ESRP1: variants seen among roughly 807,000 people sequenced by gnomAD.
The protein encoded by ESRP1 is epithelial splicing regulatory protein 1.
Under a neutral mutation model 81.7 loss-of-function variants are expected in ESRP1, and 33 were observed. The observed-to-expected ratio is 0.40, with a 90% CI of 0.31 to 0.54. The LOEUF (loss-of-function observed/expected upper bound fraction) is 0.54. Among genes scored for constraint, ESRP1 ranks in the 20% least tolerant of loss-of-function variants. ESRP1 has a pLI of 0.41. For missense variants in ESRP1, 672 were observed against 833.1 expected (o/e 0.81, Z 2.38); for synonymous variants, 320 against 303.3 (o/e 1.06, Z -0.57).
chr8:94,669,910 G>A (rs995389479), intron 10 of ESRP1, among the ~76,000 whole-genome samples: 9 of 148,486 alleles, frequency 6.1e-5, no homozygotes, highest in Admixed American at 5.3e-4. Context: ...ATACCTTTTT[G>A]AAAATGTCAT....
At chr8:94,679,714 T>A (rs898263207) in intron 13 of ESRP1, among the ~76,000 whole-genome samples, 6 of 152,134 alleles carry the variant, frequency 3.9e-5, no homozygotes, top group African/African-American at 1.4e-4. Flanking sequence ...TAAGTCTGAG[T>A]ATAGGAGTGT....
chr8:94,665,065 T>C lies in ESRP1; in HGVS notation c.888+6T>C. The C allele has an allele frequency of 1.2e-6, 2 of 1,613,610 alleles. No individual in the cohort carries two copies. The highest frequency in any genetic ancestry group is 8.5e-7 in the Non-Finnish European group (1 of 1,179,798). The stretch of plus-strand genomic sequence containing the variant: ...TGGGGACCCGGTATATTGAGGTATG[T>C]CCTCAAAACCTGAACCCCTGGACAT... On this transcript the variant is annotated splice_donor_region_variant and intron_variant, in intron 8 of 15. Coordinates refer to ENST00000433389, the MANE Select transcript of ESRP1 (RefSeq NM_017697.4).
At chr8:94,698,101 T>C (rs1303938606) in intron 15 of ESRP1, among the ~76,000 whole-genome samples, 2 of 152,180 alleles carry the variant, frequency 1.3e-5, no homozygotes, top group Non-Finnish European at 2.9e-5. Flanking sequence ...TTTAAAAAGA[T>C]TGTTGTAAAA....
intron 4 of ESRP1, among the ~76,000 whole-genome samples, chr8:94,646,847 T>C (rs1278437145): frequency 6.6e-6 from 1 of 152,224 alleles, no homozygotes. Context: ...ATTTGATGCA[T>C]GATATATTGT....
chr8:94,660,709 C>CAAAAAAAAAAAAAA (rs60316449), intron 4 of ESRP1, among the ~76,000 whole-genome samples: 4 of 43,544 alleles, frequency 9.2e-5, no homozygotes, highest in African/African-American at 2.1e-4. Flanking sequence ...GAGACTATCT[C>CAAAAAAAAAAAAAA]AAAAAAAAAA....
intron 4 of ESRP1, among the ~76,000 whole-genome samples, 159 bp from the exon 5 acceptor site, chr8:94,662,113 A>C (rs1197732239): frequency 6.6e-6 from 1 of 152,220 alleles, no homozygotes; most frequent in Non-Finnish European, 1.5e-5. Context: ...TTGGAGCCTA[A>C]GTTGAATGAC....
At chr8:94,672,976 G>A (rs1819407063) in intron 11 of ESRP1, among the ~76,000 whole-genome samples, 1 of 152,052 alleles carries the variant, frequency 6.6e-6, no homozygotes, top group South Asian at 2.1e-4. Flanking sequence ...TGGAGATTTG[G>A]TCACTTTCAT....
intron 13 of ESRP1, 112 bp from the exon 14 acceptor site, chr8:94,692,565 T>C: frequency 8.8e-7 from 1 of 1,140,090 alleles, no homozygotes; most frequent in Non-Finnish European, 1.2e-6. Flanking sequence ...CTCTGAGAAG[T>C]ATAAGAAAGG....
At chr8:94,671,419 G>A in intron 10 of ESRP1, 34 bp from the exon 11 acceptor site, 2 of 1,584,304 alleles carry the variant, frequency 1.3e-6, no homozygotes, top group Non-Finnish European at 1.7e-6. Context: ...GAGTAGCACA[G>A]CTCTAAATTA....
In ESRP1 at chr8:94,672,567, C is replaced by G. The variant is rs551057296; in HGVS notation, c.1452+896C>G. 1.1e-4 allele frequency among the ~76,000 whole-genome samples: 17 copies of G among 151,572 alleles called. No individual in the cohort carries two copies. In the South Asian group the frequency reaches 1.5e-3, roughly 13 times the overall value. ...TTTTTTTTTGAGACAGAGTCTCACT[C>G]TGTCGTCCAGGCTGGATTGCAGTGG... On this transcript the variant is annotated intron_variant, in intron 11 of 15. Coordinates refer to ENST00000433389, the MANE Select transcript of ESRP1 (RefSeq NM_017697.4).
chr8:94,663,389 A>T (rs1253161557), intron 6 of ESRP1, among the ~76,000 whole-genome samples: 1 of 151,926 alleles, frequency 6.6e-6, no homozygotes, highest in East Asian at 1.9e-4. Context: ...GGGATTACAG[A>T]TGTGTACCAT....
intron 4 of ESRP1, among the ~76,000 whole-genome samples, chr8:94,657,651 AG>A (rs1429332522): frequency 6.6e-6 from 1 of 152,196 alleles, no homozygotes; most frequent in Non-Finnish European, 1.5e-5. Context: ...GCACCAAGGT[AG>A]TAGCCAAATG....
At chr8:94,663,860 C>T (rs1818881668) in intron 6 of ESRP1, among the ~76,000 whole-genome samples, 1 of 151,908 alleles carries the variant, frequency 6.6e-6, no homozygotes, top group Non-Finnish European at 1.5e-5. Context: ...GGTGTAGGGA[C>T]TCACAGGCAT....
At chr8:94,670,616 C>T (rs1819267816) in intron 10 of ESRP1, among the ~76,000 whole-genome samples, 1 of 152,172 alleles carries the variant, frequency 6.6e-6, no homozygotes, top group African/African-American at 2.4e-5. Flanking sequence ...TGGCATTTGC[C>T]TAAGGACTTC....
chr8:94,642,842 T>C (rs950005555), intron 2 of ESRP1, among the ~76,000 whole-genome samples: 4 of 152,202 alleles, frequency 2.6e-5, no homozygotes, highest in African/African-American at 7.2e-5. Context: ...CTTCGAGTTA[T>C]AGGAGAAAGC....
In ESRP1 at chr8:94,646,163, C is replaced by T. The variant is rs1426964482; in HGVS notation, c.376-5C>T. ...GTTAACATTATCTACCTTGTCCTTC[C>T]TCAGAATGTACTATTACCTGAATGC... On this transcript the variant is annotated splice_region_variant and splice_polypyrimidine_tract_variant and intron_variant, in intron 3 of 15. Transcript: ENST00000433389. The T allele has an allele frequency of 6.4e-7, 1 of 1,556,026 alleles. No individual in the cohort carries two copies. The highest frequency in any genetic ancestry group is 1.1e-5 in the South Asian group (1 of 87,600).
intron 12 of ESRP1, among the ~76,000 whole-genome samples, chr8:94,676,921 G>A (rs7825196): frequency 6.6e-6 from 1 of 152,014 alleles, no homozygotes; most frequent in Non-Finnish European, 1.5e-5. Flanking sequence ...GGGAGGCCAA[G>A]GCGGGCAGAT....
chr8:94,681,384 T>C (rs1586231774), intron 13 of ESRP1, among the ~76,000 whole-genome samples: 1 of 131,602 alleles, frequency 7.6e-6, no homozygotes, highest in East Asian at 2.5e-4. Flanking sequence ...ACTCCTGTAA[T>C]CCCAGCACTT....
At chr8:94,683,725 T>C (rs12677807) in intron 13 of ESRP1, among the ~76,000 whole-genome samples, 51,936 of 151,964 alleles carry the variant, frequency 0.34, 9,530 homozygotes, top group East Asian at 0.56. Flanking sequence ...GAGAGAAGTG[T>C]CAGGTAATTT....
Sources: gnomAD v4.1 joint callset for allele counts (sites outside exome capture counted in the v4.1 genomes callset) on GRCh38, gnomAD v4.1.1 for gene constraint, MANE v1.5 for transcripts, NCBI Gene and HGNC (gene_info 2026-07-23, HGNC 2026-07-21) for gene names.